Variants in INPP5F observed in about 807,000 individuals in gnomAD.
INPP5F encodes phosphatidylinositide 4-phosphatase SAC2.
A neutral mutation model predicts 137.2 loss-of-function variants in INPP5F; 97 were observed. That is an observed-to-expected ratio of 0.71 (90% CI 0.60 to 0.84). INPP5F has a LOEUF of 0.84. Ranked by LOEUF, INPP5F falls within the 40% of genes least tolerant of loss-of-function variation. INPP5F has a pLI of 0.00. For synonymous variants in INPP5F, 504 were observed against 476.9 expected (o/e 1.06, Z -0.74); for missense variants, 1,271 against 1,371.9 (o/e 0.93, Z 1.16).
intron 13 of INPP5F, among the ~76,000 whole-genome samples, chr10:119,809,519 CT>C (rs1356281239): frequency 1.3e-5 from 2 of 152,156 alleles, no homozygotes; most frequent in Non-Finnish European, 2.9e-5. Context: ...GTCACCACTT[CT>C]CTAGGGACTT....
rs199816810 is a variant in INPP5F at position 119,787,294 on chromosome 10, A to G, written c.316-4223A>G. Reference sequence around the variant, plus strand: ...GATGAGGGTAGATAAAAGAAATAAAAATAGAAAAGACCAGGTGTGGTGGCT... The same window carrying G: ...GATGAGGGTAGATAAAAGAAATAAAGATAGAAAAGACCAGGTGTGGTGGCT... On this transcript the variant is annotated intron_variant, in intron 3 of 19. Transcript: ENST00000650623. This position sits in a 1 kb window ranked among gnomAD's most constrained non-coding sequence, Gnocchi z 4.1. Among the ~76,000 whole-genome samples the G allele has an allele frequency of 1.1e-4, 17 of 152,300 alleles. No homozygotes were observed. In the East Asian group the frequency reaches 3.3e-3, roughly 29 times the overall value.
chr10:119,758,088 T>G (rs1163420248), intron 2 of INPP5F, among the ~76,000 whole-genome samples: 2 of 152,240 alleles, frequency 1.3e-5, no homozygotes, highest in East Asian at 1.9e-4. Flanking sequence ...GGTCGAAGCT[T>G]GTAGAAACCT....
chr10:119,806,330 G>A, intron 11 of INPP5F, 30 bp from the exon 12 acceptor site: 1 of 1,426,368 alleles, frequency 7.0e-7, no homozygotes, highest in Non-Finnish European at 9.5e-7. Flanking sequence ...ATTTTATATT[G>A]TAAAATAATT....
chr10:119,791,702 A>G, intron 4 of INPP5F, 57 bp downstream of exon 4: 2 of 1,471,228 alleles, frequency 1.4e-6, no homozygotes, highest in East Asian at 2.3e-5. Flanking sequence ...TTAAATAGAG[A>G]GATAATTCTC....
In INPP5F at chr10:119,748,445, G is replaced by C. The variant is rs34055664; in HGVS notation, c.98-2631G>C. Among the ~76,000 whole-genome samples, 6,344 of 152,262 alleles carry C rather than the reference G, an allele frequency of 0.042. 237 individuals are homozygous for C. Among genetic ancestry groups the C allele is most frequent in the South Asian group, 0.22 (1,048 of 4,828 alleles). On this transcript the variant is annotated intron_variant, in intron 1 of 19. Coordinates refer to ENST00000650623, the MANE Select transcript of INPP5F (RefSeq NM_014937.4). The surrounding 1 kb of genome is among the most constrained non-coding windows in gnomAD (Gnocchi z 4.7). ...GTGTTTTGGTCCTGTTTGTGTTACA[G>C]CTTTTTCAGTCCCACCATTCAGGGG...
In INPP5F at chr10:119,826,718, C is replaced by A. The variant is rs748236684; in HGVS notation, c.2337C>A (p.Ser779Arg). Residue 779 changes from serine (S) to arginine (R), a missense_variant, in exon 20 of 20, where the codon AGC becomes AGA. Transcript: ENST00000650623. ...CCCAGGGAAAGAATTTTTTAATGAG[C>A]AAATTTTCATCTCTAAATCAAAAAG... ...SLAQGKNFLM[S>R]KFSSLNQKVK... The A allele has an allele frequency of 6.2e-7, 1 of 1,612,892 alleles. No individual in the cohort carries two copies.
Position 119,808,072 on chromosome 10 carries a change from C to T in INPP5F, c.1569+12C>T, listed in dbSNP as rs778694853. 2 of 1,607,202 alleles carry T rather than the reference C, an allele frequency of 1.2e-6. No homozygotes were observed. Among genetic ancestry groups the T allele is most frequent in the South Asian group, 1.1e-5 (1 of 89,494 alleles). ...CAGCTGCTCTGAAGGTAAATACTTG[C>T]AGGAAGCATCTGTGGGTCATTATGT... On this transcript the variant is annotated intron_variant, in intron 13 of 19. Coordinates refer to ENST00000650623, the MANE Select transcript of INPP5F (RefSeq NM_014937.4).
chr10:119,771,843 GAGAT>G (rs1454777590), intron 2 of INPP5F, among the ~76,000 whole-genome samples: 2 of 40,864 alleles, frequency 4.9e-5, no homozygotes, highest in African/African-American at 9.6e-5. Flanking sequence ...ATAAAGTATG[GAGAT>G]ATATATATAT....
chr10:119,819,007 C>T (rs898395861), intron 15 of INPP5F: 11 of 152,502 alleles, frequency 7.2e-5, no homozygotes, highest in African/African-American at 2.6e-4. Context: ...TGTTGATGTC[C>T]CCTGAAGACA....
intron 2 of INPP5F, among the ~76,000 whole-genome samples, chr10:119,776,931 T>G (rs1262534237): frequency 6.6e-6 from 1 of 152,066 alleles, no homozygotes; most frequent in Non-Finnish European, 1.5e-5. Context: ...GTGTATCTTT[T>G]GCAGAGATGG....
intron 16 of INPP5F, 49 bp from the exon 17 acceptor site, chr10:119,822,382 A>G (rs1483321136): frequency 9.5e-7 from 1 of 1,052,738 alleles, no homozygotes; most frequent in Admixed American, 2.4e-5. Context: ...GACAAGCCAA[A>G]TATGCTTTTG....
chr10:119,764,901 T>C (rs1490363691), intron 2 of INPP5F, among the ~76,000 whole-genome samples: 4 of 150,490 alleles, frequency 2.7e-5, no homozygotes, highest in African/African-American at 9.8e-5. Flanking sequence ...TTAATAACAT[T>C]TTCTTTTCTC....
rs1308226917 is a variant in INPP5F, at chr10:119,819,545, T to C, written c.1887-1301T>C. 3.8e-6 allele frequency: 6 copies of C among 1,595,386 alleles called. No homozygotes were observed. In the African/African-American group the frequency reaches 8.0e-5, roughly 21 times the overall value. On this transcript the variant is annotated intron_variant, in intron 15 of 19. Transcript: ENST00000650623. The stretch of plus-strand genomic sequence containing the variant: ...CAACAATTTTCAGAGTGCACGTAAG[T>C]ATCAACGCGTAAAACTTAACATTTT...
chr10:119,801,416 T>G (rs1850587766), intron 9 of INPP5F, among the ~76,000 whole-genome samples: 1 of 152,248 alleles, frequency 6.6e-6, no homozygotes, highest in South Asian at 2.1e-4. Flanking sequence ...TACACCCAAC[T>G]GATAACAGGA....
chr10:119,783,143 G>A (rs960443484), intron 3 of INPP5F, among the ~76,000 whole-genome samples: 8 of 152,144 alleles, frequency 5.3e-5, no homozygotes, highest in Non-Finnish European at 1.2e-4. Context: ...TGGCAATTAG[G>A]CCTATTAAAA....
chr10:119,787,435 C>T lies in INPP5F; in HGVS notation c.316-4082C>T, dbSNP rs573396079. Among the ~76,000 whole-genome samples, 2 of 152,116 alleles carry T rather than the reference C, an allele frequency of 1.3e-5. No homozygotes were observed. Among genetic ancestry groups the T allele is most frequent in the South Asian group, 2.1e-4 (1 of 4,820 alleles). ...CCCTGTCTCTACTAAAAATACAAAA[C>T]TTAGCCAGGCATGATGGCATGTGCC... On this transcript the variant is annotated intron_variant, in intron 3 of 19. Transcript: ENST00000650623. The surrounding 1 kb of genome is among the most constrained non-coding windows in gnomAD (Gnocchi z 4.1).
At chr10:119,737,778 A>G (rs73355807) in intron 1 of INPP5F, among the ~76,000 whole-genome samples, 5,844 of 152,302 alleles carry the variant, frequency 0.038, 363 homozygotes, top group African/African-American at 0.13. Flanking sequence ...TTCTCATTCT[A>G]AAACCCTTTT....
At chr10:119,749,225 T>G (rs1848625036) in intron 1 of INPP5F, among the ~76,000 whole-genome samples, 1 of 152,144 alleles carries the variant, frequency 6.6e-6, no homozygotes, top group Non-Finnish European at 1.5e-5. Context: ...TGCCCAGGTC[T>G]GGAGCCTCTG....
chr10:119,754,602 CCTT>C (rs1479524014), intron 2 of INPP5F, among the ~76,000 whole-genome samples: 2 of 151,798 alleles, frequency 1.3e-5, no homozygotes, highest in Non-Finnish European at 1.5e-5. Context: ...CATTTTTTTT[CCTT>C]CTTCTTGTCA....
Sources: gnomAD v4.1 joint callset for allele counts (sites outside exome capture counted in the v4.1 genomes callset) on GRCh38, gnomAD v4.1.1 for gene constraint, Gnocchi (gnomAD v3.1) non-coding constraint, MANE v1.5 for transcripts, NCBI Gene and HGNC (gene_info 2026-07-23, HGNC 2026-07-21) for gene names.